Variants in RBL1 observed in about 807,000 individuals in gnomAD.
RBL1 encodes RB transcriptional corepressor like 1.
A neutral mutation model predicts 123.0 loss-of-function variants in RBL1; 82 were observed. The observed-to-expected ratio is 0.67, with a 90% CI of 0.56 to 0.80. The LOEUF (loss-of-function observed/expected upper bound fraction) is 0.80, where lower values mean the gene tolerates loss of function less well. Ranked by LOEUF, RBL1 falls within the 30% of genes least tolerant of loss-of-function variation. The probability of loss-of-function intolerance (pLI) is 0.00; values close to 1 mark genes in which losing one functional copy is unlikely to be tolerated. For missense variants in RBL1, 1,171 were observed against 1,299.6 expected (o/e 0.90, Z 1.52); for synonymous variants, 405 against 441.3 (o/e 0.92, Z 1.03).
rs1378595999 is a variant in RBL1 at position 37,066,985 on chromosome 20, G to A, written c.685+8C>T. On this transcript the variant is annotated splice_region_variant and intron_variant, in intron 5 of 21. Coordinates refer to ENST00000373664, the MANE Select transcript of RBL1 (RefSeq NM_002895.5). ...AATCAGTTTTCAAAAATAAATAAAA[G>A]GTCTTACCTTTAAATGATGGATTTA... 8 of 1,591,604 alleles carry A rather than the reference G, an allele frequency of 5.0e-6. No homozygotes were observed. Among genetic ancestry groups the A allele is most frequent in the Non-Finnish European group, 6.0e-6 (7 of 1,172,004 alleles).
At position 37,055,649 on chromosome 20, in the gene RBL1, A is replaced by G; in HGVS notation, c.1371T>C (p.Ala457=). Residue 457 remains alanine (A), a synonymous_variant, in exon 11 of 22, where the codon GCT becomes GCC. Transcript: ENST00000373664. ...DEQPGSHIDF[A]VNRLKLAEIL... is the part of the protein sequence containing the mutation. ...TTTCTGCCAGCTTTAGTCTGTTTAC[A>G]GCAAAGTCTATCAGGGAAATACAGA... The G allele has an allele frequency of 6.2e-7, 1 of 1,610,050 alleles. No individual in the cohort carries two copies. The highest frequency in any genetic ancestry group is 1.1e-5 in the South Asian group (1 of 90,276).
intron 2 of RBL1, among the ~76,000 whole-genome samples, chr20:37,080,318 G>C (rs1309462904): frequency 6.6e-6 from 1 of 151,240 alleles, no homozygotes. Flanking sequence ...CACCATGTTC[G>C]GCTGTTTTTT....
chr20:37,050,054 C>T (rs1300684160), intron 11 of RBL1, among the ~76,000 whole-genome samples: 7 of 141,966 alleles, frequency 4.9e-5, no homozygotes, highest in Non-Finnish European at 1.1e-4. Context: ...AAGAGCGAAA[C>T]TCCATCTCAA....
intron 19 of RBL1, among the ~76,000 whole-genome samples, chr20:37,011,433 ATT>A (rs5841248): frequency 0.012 from 1,571 of 135,708 alleles, 28 homozygotes; most frequent in African/African-American, 0.041. Flanking sequence ...CAAGGTCAGA[ATT>A]TTTTTTTTTT....
At chr20:37,023,999 G>C (rs2064384269) in intron 16 of RBL1, among the ~76,000 whole-genome samples, 1 of 151,482 alleles carries the variant, frequency 6.6e-6, no homozygotes, top group Non-Finnish European at 1.5e-5. Context: ...TGCCTAGGGT[G>C]GTCTCGAACT....
intron 6 of RBL1, 21 bp from the exon 7 acceptor site, chr20:37,065,494 T>G: frequency 6.4e-7 from 1 of 1,553,922 alleles, no homozygotes. Flanking sequence ...AAAATTATTT[T>G]GGGACACCAT....
At chr20:37,094,256 T>C (rs934870678) in intron 1 of RBL1, among the ~76,000 whole-genome samples, 2 of 152,210 alleles carry the variant, frequency 1.3e-5, no homozygotes, top group African/African-American at 4.8e-5. Context: ...ATGTCAGAAA[T>C]GCTTTCTCAG....
chr20:37,016,728 A>G (rs945022764), intron 19 of RBL1, among the ~76,000 whole-genome samples: 2 of 151,802 alleles, frequency 1.3e-5, no homozygotes, highest in East Asian at 3.9e-4. Context: ...GGAGTTGGAG[A>G]CCAGCCTGGG....
At chr20:37,061,338 G>A in intron 8 of RBL1, 69 bp from the exon 9 acceptor site, 2 of 1,509,514 alleles carry the variant, frequency 1.3e-6, no homozygotes, top group Non-Finnish European at 1.8e-6. Flanking sequence ...TTAATTCAGT[G>A]CATATACCAT....
At chr20:37,067,579 GC>G (rs1402574027) in intron 3 of RBL1, among the ~76,000 whole-genome samples, 1 of 151,648 alleles carries the variant, frequency 6.6e-6, no homozygotes, top group African/African-American at 2.4e-5. Context: ...GACCACCTTG[GC>G]CAACACGGTG....
At chr20:37,040,121 C>T (rs1175199589) in intron 14 of RBL1, 32 bp downstream of exon 14, 8 of 1,604,182 alleles carry the variant, frequency 5.0e-6, no homozygotes, top group Non-Finnish European at 6.8e-6. Flanking sequence ...CCCTTTGTTA[C>T]TTTTTCATTC....
At chr20:37,049,865 C>T (rs2064878162) in intron 11 of RBL1, among the ~76,000 whole-genome samples, 1 of 151,552 alleles carries the variant, frequency 6.6e-6, no homozygotes, top group Non-Finnish European at 1.5e-5. Flanking sequence ...GAGTTGGAGA[C>T]CAGCCTGACT....
chr20:37,012,472 C>G (rs937775483), intron 19 of RBL1, among the ~76,000 whole-genome samples: 3 of 151,140 alleles, frequency 2.0e-5, no homozygotes, highest in African/African-American at 7.3e-5. Context: ...CGTCTCTGCC[C>G]GGCCGCCCAT....
chr20:37,045,309 T>C (rs536970112), intron 12 of RBL1, among the ~76,000 whole-genome samples: 13 of 152,176 alleles, frequency 8.5e-5, no homozygotes, highest in African/African-American at 3.1e-4. Flanking sequence ...GGTTTTACTA[T>C]ATTAGCCAGG....
intron 7 of RBL1, among the ~76,000 whole-genome samples, chr20:37,063,332 C>T (rs1380801379): frequency 2.6e-5 from 4 of 151,850 alleles, no homozygotes; most frequent in Non-Finnish European, 5.9e-5. Context: ...TGAGTCACTT[C>T]GAGCTTGGCT....
intron 21 of RBL1, among the ~76,000 whole-genome samples, chr20:37,000,804 G>A (rs1391134807): frequency 1.4e-4 from 17 of 123,572 alleles, no homozygotes; most frequent in Admixed American, 3.2e-4. Context: ...CAGCCGCCCC[G>A]TCCGGGAGGT....
intron 11 of RBL1, among the ~76,000 whole-genome samples, chr20:37,055,345 C>G (rs935101744): frequency 1.4e-5 from 2 of 146,506 alleles, no homozygotes; most frequent in Admixed American, 1.4e-4. Context: ...TTAAAAAACA[C>G]TGATGTGTAC....
chr20:37,019,687 C>T (rs1289967526), intron 18 of RBL1, among the ~76,000 whole-genome samples: 1 of 152,190 alleles, frequency 6.6e-6, no homozygotes, highest in African/African-American at 2.4e-5. Context: ...AGGCCACTAC[C>T]TCTCTCTTTC....
chr20:37,001,657 A>G (rs2063982650), intron 21 of RBL1, among the ~76,000 whole-genome samples: 1 of 149,100 alleles, frequency 6.7e-6, no homozygotes, highest in Non-Finnish European at 1.5e-5. Context: ...TAGGAAAACC[A>G]GAGACCTTTG....
Sources: allele counts gnomAD v4.1 joint callset (sites outside exome capture counted in the v4.1 genomes callset), GRCh38; gene constraint gnomAD v4.1.1; transcripts MANE v1.5; gene names NCBI Gene and HGNC (gene_info 2026-07-23, HGNC 2026-07-21).